TXNDC12: variants seen among roughly 807,000 people sequenced by gnomAD.
The protein encoded by TXNDC12 is thioredoxin domain-containing protein 12.
TXNDC12 carries 22 observed loss-of-function variants against 24.2 expected under a neutral mutation model. That is an observed-to-expected ratio of 0.91 (90% confidence interval 0.65 to 1.30). TXNDC12 has a LOEUF of 1.30. TXNDC12 is among the 50% of genes most tolerant of loss of function. TXNDC12 has a pLI of 0.00. For missense variants in TXNDC12, 184 were observed against 205.8 expected (o/e 0.89, Z 0.65); for synonymous variants, 58 against 73.4 (o/e 0.79, Z 1.07).
chr1:52,035,514 C>G (rs2124374644), intron 2 of TXNDC12, among the ~76,000 whole-genome samples: 1 of 152,222 alleles, frequency 6.6e-6, no homozygotes, highest in East Asian at 1.9e-4. Flanking sequence ...CGAGACCAGT[C>G]TGGCCAACAT....
At position 52,021,002 on chromosome 1, in the gene TXNDC12, C is replaced by T; in HGVS notation, c.450G>A (p.Gly150=). 1 of 1,613,314 alleles carries T rather than the reference C, an allele frequency of 6.2e-7. No homozygotes were observed. Among genetic ancestry groups the T allele is most frequent in the Non-Finnish European group, 8.5e-7 (1 of 1,179,286 alleles). Residue 150 remains glycine (G), a synonymous_variant, in exon 7 of 7, where the codon GGG becomes GGA. Coordinates refer to ENST00000371626, the MANE Select transcript of TXNDC12 (RefSeq NM_015913.4). The part of the protein sequence containing the change: ...FYVSAEQVVQ[G]MKEAQERLTG... ...TCAGCCTTTCCTGAGCTTCCTTCATCCCCTGAACAACTGTGAAATAAAGAT... is the reference window on the plus strand; with the variant it reads ...TCAGCCTTTCCTGAGCTTCCTTCATTCCCTGAACAACTGTGAAATAAAGAT...
At chr1:52,050,367 T>C (rs1686178694) in intron 1 of TXNDC12, among the ~76,000 whole-genome samples, 1 of 152,204 alleles carries the variant, frequency 6.6e-6, no homozygotes, top group South Asian at 2.1e-4. Context: ...GTATAGCCAC[T>C]TAATTTATGC....
chr1:52,027,362 G>T lies in TXNDC12; in HGVS notation c.212-14C>A. The T allele has an allele frequency of 6.3e-7, 1 of 1,592,296 alleles. No individual in the cohort carries two copies. The highest frequency in any genetic ancestry group is 8.6e-7 in the Non-Finnish European group (1 of 1,161,308). On this transcript the variant is annotated splice_polypyrimidine_tract_variant and intron_variant, in intron 3 of 6. Coordinates refer to ENST00000371626, the MANE Select transcript of TXNDC12 (RefSeq NM_015913.4). ...TGGGCTTTAGAGCTGGGGGGAAAAA[G>T]ATTTTGGAATAGAAGAAAAAACATC...
chr1:52,032,970 G>A (rs1421922344), intron 2 of TXNDC12: 3 of 1,582,074 alleles, frequency 1.9e-6, no homozygotes, highest in South Asian at 2.3e-5. Context: ...CGGAGGCGAG[G>A]GGCTGGGACT....
upstream of TXNDC12, chr1:52,055,968 T>C (rs1686336231): frequency 6.6e-6 from 1 of 152,238 alleles, no homozygotes; most frequent in Non-Finnish European, 1.5e-5. Flanking sequence ...GGTCTTTTTC[T>C]TCCTGGTACT....
At chr1:52,032,562 G>C in intron 2 of TXNDC12, 1 of 1,412,170 alleles carries the variant, frequency 7.1e-7, no homozygotes. Context: ...ATGCAGGAAA[G>C]TTTGAGTGAA....
At chr1:52,029,117 ACT>A (rs1286991791) in intron 2 of TXNDC12, among the ~76,000 whole-genome samples, 3 of 152,104 alleles carry the variant, frequency 2.0e-5, no homozygotes, top group Non-Finnish European at 4.4e-5. Context: ...GACAGAACAG[ACT>A]CTGTCTCAAA....
rs543462110 is a variant in TXNDC12 at position 52,020,419 on chromosome 1, A to G, written c.*514T>C. The stretch of plus-strand genomic sequence containing the variant: ...AAGCCCACAATTATTCCCAGGAGAA[A>G]AAAGGGAAAAAACAGGCTGATATCC... On this transcript the variant is annotated 3_prime_UTR_variant, in exon 7 of 7. Coordinates refer to ENST00000371626, the MANE Select transcript of TXNDC12 (RefSeq NM_015913.4). 3.4e-4 allele frequency: 89 copies of G among 262,106 alleles called. No individual in the cohort carries two copies. The highest frequency in any genetic ancestry group is 2.0e-3 in the Admixed American group (42 of 21,538). 16.2% of individuals were successfully genotyped at this position (262,106 alleles called of 1,614,324 possible).
intron 4 of TXNDC12, among the ~76,000 whole-genome samples, chr1:52,025,401 G>C (rs1477750275): frequency 6.6e-6 from 1 of 152,032 alleles, no homozygotes; most frequent in Non-Finnish European, 1.5e-5. Flanking sequence ...TATATTTTTA[G>C]TAGAGACGGG....
chr1:52,038,103 CT>C (rs1450721598), intron 2 of TXNDC12, among the ~76,000 whole-genome samples: 1 of 151,796 alleles, frequency 6.6e-6, no homozygotes, highest in Non-Finnish European at 1.5e-5. Context: ...AATTTTTGTA[CT>C]TTTTGTAGAG....
At chr1:52,033,020 G>C (rs779297184) in intron 2 of TXNDC12, 5 of 1,571,768 alleles carry the variant, frequency 3.2e-6, no homozygotes, top group Non-Finnish European at 4.3e-6. Context: ...TTCTCAAACA[G>C]GGCAGAGCGG....
At position 52,020,444 on chromosome 1, in the gene TXNDC12, C is replaced by T; in HGVS notation, c.*489G>A. 1 of 256,170 alleles carries T rather than the reference C, an allele frequency of 3.9e-6. No homozygotes were observed. The highest frequency in any genetic ancestry group is 7.7e-6 in the Non-Finnish European group (1 of 129,170). 15.9% of individuals were successfully genotyped at this position (256,170 alleles called of 1,614,324 possible). A position where few individuals can be genotyped will look rare whatever the true frequency, so the allele number is the denominator to read the frequency against. Reference sequence around the variant, plus strand: ...AAAAGGGAAAAAACAGGCTGATATCCTTGGTAGGGGGTAGAATAACTGATT... The same window carrying T: ...AAAAGGGAAAAAACAGGCTGATATCTTTGGTAGGGGGTAGAATAACTGATT... On this transcript the variant is annotated 3_prime_UTR_variant, in exon 7 of 7. Transcript: ENST00000371626.
At position 52,020,837 on chromosome 1, in the gene TXNDC12, G is replaced by C; in HGVS notation, c.*96C>G. On this transcript the variant is annotated 3_prime_UTR_variant, in exon 7 of 7. Coordinates refer to ENST00000371626, the MANE Select transcript of TXNDC12 (RefSeq NM_015913.4). ...GTGTAGGTAGGAATGAGGTTTCCTG[G>C]TCGGCTTAATTGTTCTAGATGATTC... 2 of 1,030,126 alleles carry C rather than the reference G, an allele frequency of 1.9e-6. No individual in the cohort carries two copies. The highest frequency in any genetic ancestry group is 2.9e-5 in the South Asian group (2 of 69,818). 63.8% of individuals were successfully genotyped at this position (1,030,126 alleles called of 1,614,324 possible). A position where few individuals can be genotyped will look rare whatever the true frequency, so the allele number is the denominator to read the frequency against.
At chr1:52,047,759 CA>C (rs11398900) in intron 1 of TXNDC12, among the ~76,000 whole-genome samples, 44 of 151,160 alleles carry the variant, frequency 2.9e-4, no homozygotes, top group African/African-American at 1.1e-3. Flanking sequence ...AACTAAGTTT[CA>C]AAAAAAAATT....
At chr1:52,041,482 T>C (rs1477501399) in intron 2 of TXNDC12, 55 bp downstream of exon 2, 1 of 1,297,626 alleles carries the variant, frequency 7.7e-7, no homozygotes, top group South Asian at 1.2e-5. Flanking sequence ...TAACGTTAAG[T>C]TGATAGCTGA....
chr1:52,020,353 C>A lies in TXNDC12; in HGVS notation c.*580G>T. On this transcript the variant is annotated 3_prime_UTR_variant, in exon 7 of 7. Transcript: ENST00000371626. ...ACGCATGCGTGCAAACAGGGAAGCT[C>A]AAGCATGAGAAGAGGAAAGAGGCTG... is the stretch of plus-strand genomic sequence containing the variant. 2.5e-6 allele frequency: 1 copy of A among 395,726 alleles called. No homozygotes were observed. Among genetic ancestry groups the A allele is most frequent in the South Asian group, 2.7e-5 (1 of 36,830 alleles). 24.5% of individuals were successfully genotyped at this position (395,726 alleles called of 1,614,324 possible). A position where few individuals can be genotyped will look rare whatever the true frequency, so the allele number is the denominator to read the frequency against.
intron 1 of TXNDC12, among the ~76,000 whole-genome samples, chr1:52,048,873 A>T (rs1686148379): frequency 6.6e-6 from 1 of 152,022 alleles, no homozygotes; most frequent in African/African-American, 2.4e-5. Flanking sequence ...ATAATAATTA[A>T]TTAATTAATT....
chr1:52,042,405 A>G, intron 1 of TXNDC12, among the ~76,000 whole-genome samples: 1 of 151,868 alleles, frequency 6.6e-6, no homozygotes, highest in Admixed American at 6.6e-5. Context: ...CCACCTCTCC[A>G]GCCTCACTTT....
Position 52,037,640 on chromosome 1 carries a change from C to T in TXNDC12, c.158+3897G>A, listed in dbSNP as rs1041692616. The stretch of plus-strand genomic sequence containing the variant: ...GCAAGGTACTTCCTGACTTCAGGGA[C>T]AAAGCATTGATGGAACCAATCCAGA... On this transcript the variant is annotated intron_variant, in intron 2 of 6. Transcript: ENST00000371626. Among the ~76,000 whole-genome samples the T allele has an allele frequency of 3.7e-4, 57 of 152,216 alleles. 2 individuals carry two copies. Among genetic ancestry groups the T allele is most frequent in the Admixed American group, 1.8e-3 (27 of 15,274 alleles).
Sources: gnomAD v4.1 joint callset for allele counts (sites outside exome capture counted in the v4.1 genomes callset) on GRCh38, gnomAD v4.1.1 for gene constraint, MANE v1.5 for transcripts, NCBI Gene and HGNC (gene_info 2026-07-23, HGNC 2026-07-21) for gene names.